Variants in DYNC2H1 observed in about 807,000 individuals in gnomAD.
DYNC2H1 encodes the protein cytoplasmic dynein 2 heavy chain 1.
Under a neutral mutation model 570.0 loss-of-function variants are expected in DYNC2H1, and 410 were observed. The observed-to-expected ratio is 0.72, with a 90% CI of 0.66 to 0.78. The LOEUF (loss-of-function observed/expected upper bound fraction) is 0.78, where lower values mean the gene tolerates loss of function less well. Among genes scored for constraint, DYNC2H1 ranks in the 30% least tolerant of loss-of-function variants. The probability of loss-of-function intolerance (pLI) is 0.00; values close to 1 mark genes in which losing one functional copy is unlikely to be tolerated. For synonymous variants in DYNC2H1, 1,688 were observed against 1,677.6 expected (o/e 1.01, Z -0.15); for missense variants, 4,865 against 5,046.4 (o/e 0.96, Z 1.09).
At chr11:103,418,163 A>G (rs1176136536) in intron 84 of DYNC2H1, among the ~76,000 whole-genome samples, 3 of 130,968 alleles carry the variant, frequency 2.3e-5, no homozygotes, top group Non-Finnish European at 3.2e-5. Context: ...TGCACCACAT[A>G]TCCTAGCTAG....
At chr11:103,360,697 A>T (rs540997530) in intron 83 of DYNC2H1, among the ~76,000 whole-genome samples, 1 of 152,154 alleles carries the variant, frequency 6.6e-6, no homozygotes, top group African/African-American at 2.4e-5. Context: ...AGTGATTTTT[A>T]TGCTAGGGAC....
At chr11:103,327,740 A>G (rs536839443) in intron 82 of DYNC2H1, among the ~76,000 whole-genome samples, 71 of 152,256 alleles carry the variant, frequency 4.7e-4, no homozygotes, top group Non-Finnish European at 7.6e-4. Context: ...CTATATACAG[A>G]ACTTATTTTG....
At chr11:103,361,736 G>A (rs1024167806) in intron 83 of DYNC2H1, among the ~76,000 whole-genome samples, 3 of 151,942 alleles carry the variant, frequency 2.0e-5, no homozygotes, top group Non-Finnish European at 4.4e-5. Flanking sequence ...AAAATGTAGA[G>A]TTATTATGAG....
chr11:103,153,988 G>C (rs1033347320), intron 22 of DYNC2H1, among the ~76,000 whole-genome samples: 1 of 151,830 alleles, frequency 6.6e-6, no homozygotes, highest in Admixed American at 6.6e-5. Flanking sequence ...AATGAGTGGA[G>C]TGAGTCAATT....
intron 52 of DYNC2H1, among the ~76,000 whole-genome samples, chr11:103,206,091 G>A (rs1862910999): frequency 6.6e-6 from 1 of 152,178 alleles, no homozygotes; most frequent in South Asian, 2.1e-4. Flanking sequence ...GAAAAGGATA[G>A]GTTGGGCTAA....
At chr11:103,284,596 G>C (rs11225653) in intron 73 of DYNC2H1, among the ~76,000 whole-genome samples, 1 of 152,166 alleles carries the variant, frequency 6.6e-6, no homozygotes, top group East Asian at 1.9e-4. Flanking sequence ...AAAGTTAACA[G>C]ACCACCATCA....
Position 103,133,601 on chromosome 11 carries a change from A to G in DYNC2H1, c.2000A>G (p.Asn667Ser), listed in dbSNP as rs1591291196. 1 of 1,611,692 alleles carries G rather than the reference A, an allele frequency of 6.2e-7. No individual in the cohort carries two copies. The highest frequency in any genetic ancestry group is 1.3e-5 in the African/African-American group (1 of 74,800). ...SGGKSQITWDNPKELEGYIQK... is the reference protein window; with the variant it reads ...SGGKSQITWDSPKELEGYIQK... ...GGGAAATCACAGATAACTTGGGATAATCCTAAAGAATTAGAAGGCTATATC... is the reference window on the plus strand; with the variant it reads ...GGGAAATCACAGATAACTTGGGATAGTCCTAAAGAATTAGAAGGCTATATC... Residue 667 changes from asparagine (N) to serine (S), a missense_variant, in exon 14 of 89, where the codon AAT becomes AGT. Asn to Ser is a conservative substitution (Grantham distance 46). Around this residue, in one of 5 missense-constraint regions of DYNC2H1, gnomAD observed 1,936 missense variants for 1,962.1 expected, o/e 0.99. Transcript: ENST00000375735. This position sits in a 1 kb window ranked among gnomAD's most constrained non-coding sequence, Gnocchi z 4.8.
At chr11:103,146,409 G>A (rs531279007) in intron 18 of DYNC2H1, among the ~76,000 whole-genome samples, 12 of 152,214 alleles carry the variant, frequency 7.9e-5, no homozygotes, top group Admixed American at 4.6e-4. Flanking sequence ...TACAATTTGC[G>A]TTGGGGTACA....
chr11:103,139,167 C>T (rs1048679480), intron 17 of DYNC2H1, among the ~76,000 whole-genome samples: 1 of 152,064 alleles, frequency 6.6e-6, no homozygotes, highest in Non-Finnish European at 1.5e-5. Flanking sequence ...AAAACCAGTT[C>T]CTGGATTCAT....
chr11:103,129,948 C>A lies in DYNC2H1; in HGVS notation c.1953+943C>A, dbSNP rs1038600091. Among the ~76,000 whole-genome samples the A allele has an allele frequency of 6.6e-6, 1 of 152,106 alleles. No homozygotes were observed. Among genetic ancestry groups the A allele is most frequent in the Non-Finnish European group, 1.5e-5 (1 of 68,026 alleles). On this transcript the variant is annotated intron_variant, in intron 13 of 88. Transcript: ENST00000375735. This position sits in a 1 kb window ranked among gnomAD's most constrained non-coding sequence, Gnocchi z 4.1. ...GGATCCACAGTACTCAGTGTATGGT[C>A]ATACTCATAGCAGTATTTATTACGG...
rs977945631 is a variant in DYNC2H1, at chr11:103,189,686, A to G, written c.7307A>G (p.Glu2436Gly). 1 of 1,612,782 alleles carries G rather than the reference A, an allele frequency of 6.2e-7. No individual in the cohort carries two copies. ...ATTTTTTTTAGTTACCCAGAAAGAGAGCAGTTACAAACGATTTATGGAGCA... is the reference window on the plus strand; with the variant it reads ...ATTTTTTTTAGTTACCCAGAAAGAGGGCAGTTACAAACGATTTATGGAGCA... ...RLCSIDYPER[E>G]QLQTIYGAYL... Residue 2436 changes from glutamate (E) to glycine (G), a missense_variant, in exon 45 of 89, where the codon GAG becomes GGG. Glu to Gly is a moderately conservative substitution (Grantham distance 98, BLOSUM62 -2). Around this residue, in one of 5 missense-constraint regions of DYNC2H1, gnomAD observed 2,401 missense variants for 2,454.6 expected, o/e 0.98. Transcript: ENST00000375735. The surrounding 1 kb of genome is among the most constrained non-coding windows in gnomAD (Gnocchi z 4.3).
At position 103,446,494 on chromosome 11, in the gene DYNC2H1, GA is replaced by G. The variant is rs1944426964; in HGVS notation, c.12457-8691del. On this transcript the variant is annotated intron_variant, in intron 85 of 88. Coordinates refer to ENST00000375735, the MANE Select transcript of DYNC2H1 (RefSeq NM_001377.3). The surrounding 1 kb of genome is among the most constrained non-coding windows in gnomAD (Gnocchi z 4.5). ...CATGGAAGACGTTGGTGATCTTGAG[GA>G]GATGTTTTGTGAAGTTCTAAAGAAT... Among the ~76,000 whole-genome samples, 1 of 152,178 alleles carries G rather than the reference GA, an allele frequency of 6.6e-6. No homozygotes were observed. Among genetic ancestry groups the G allele is most frequent in the Non-Finnish European group, 1.5e-5 (1 of 68,034 alleles).
intron 70 of DYNC2H1, among the ~76,000 whole-genome samples, chr11:103,262,425 GA>G (rs1166038609): frequency 6.6e-6 from 1 of 152,006 alleles, no homozygotes; most frequent in African/African-American, 2.4e-5. Context: ...TGAAATGTAG[GA>G]AAAAATGTTA....
chr11:103,135,170 CAAG>C (rs1291957488), intron 15 of DYNC2H1, among the ~76,000 whole-genome samples: 1 of 151,878 alleles, frequency 6.6e-6, no homozygotes, highest in Non-Finnish European at 1.5e-5. Context: ...GAAAAAGGAC[CAAG>C]AAGTTCACAA....
At chr11:103,391,600 G>C (rs1042797740) in intron 83 of DYNC2H1, among the ~76,000 whole-genome samples, 1 of 152,164 alleles carries the variant, frequency 6.6e-6, no homozygotes, top group African/African-American at 2.4e-5. Context: ...CAGCTTTTCT[G>C]CTCTGTTTTT....
intron 75 of DYNC2H1, among the ~76,000 whole-genome samples, chr11:103,298,605 A>G (rs1866930685): frequency 6.6e-6 from 1 of 152,136 alleles, no homozygotes; most frequent in Admixed American, 6.6e-5. Context: ...GTATGGCTGT[A>G]TGACTTTGTA....
At chr11:103,111,837 G>A (rs1053642820) in intron 1 of DYNC2H1, among the ~76,000 whole-genome samples, 8 of 152,124 alleles carry the variant, frequency 5.3e-5, no homozygotes, top group Non-Finnish European at 1.0e-4. Flanking sequence ...GATAGTTAGC[G>A]TGATTCAATA....
At chr11:103,169,110 G>A (rs1018864027) in intron 32 of DYNC2H1, 150 bp downstream of exon 32, 1 of 757,526 alleles carries the variant, frequency 1.3e-6, no homozygotes, top group Non-Finnish European at 1.9e-6. Context: ...AATTAGAAAG[G>A]TGTCACATAA....
chr11:103,356,353 AAAATTATG>A (rs1940337952), intron 82 of DYNC2H1, among the ~76,000 whole-genome samples: 1 of 152,134 alleles, frequency 6.6e-6, no homozygotes, highest in African/African-American at 2.4e-5. Context: ...CTGTTCTTTA[AAAATTATG>A]ATAGTATTAT....
Sources: allele counts gnomAD v4.1 joint callset (sites outside exome capture counted in the v4.1 genomes callset), GRCh38; gene constraint gnomAD v4.1.1; regional missense constraint gnomAD v4.1.1; non-coding constraint Gnocchi (gnomAD v3.1); transcripts MANE v1.5; gene names NCBI Gene and HGNC (gene_info 2026-07-23, HGNC 2026-07-21).